RP1: variants seen among roughly 807,000 people sequenced by gnomAD.
RP1 encodes RP1 axonemal microtubule associated, also known as oxygen-regulated protein 1.
Under a neutral mutation model 14.8 loss-of-function variants are expected in RP1, and 16 were observed. The ratio of observed to expected loss-of-function variants is 1.08; its 90% CI spans 0.73 to 1.65. RP1 has a LOEUF of 1.65. RP1 is among the 40% of genes most tolerant of loss of function. The pLI is 0.00. For synonymous variants in RP1, 876 were observed against 883.6 expected, an observed-to-expected ratio of 0.99 and a Z score of 0.15; for missense variants, 2,631 against 2,535.0, an observed-to-expected ratio of 1.04 and a Z score of -0.81.
Position 54,630,689 on chromosome 8 carries a change from T to A in RP1, c.*336T>A. 9.1e-7 allele frequency: 1 copy of A among 1,102,472 alleles called. No homozygotes were observed. Among genetic ancestry groups the A allele is most frequent in the Non-Finnish European group, 1.1e-6 (1 of 903,218 alleles). 68.3% of individuals were successfully genotyped at this position (1,102,472 alleles called of 1,614,324 possible). ...GAATTATATCCTTTTTAAAAAATGTTGTTAGCTTGGTGTAAAATGTATATT... is the reference window on the plus strand; with the variant it reads ...GAATTATATCCTTTTTAAAAAATGTAGTTAGCTTGGTGTAAAATGTATATT... On this transcript the variant is annotated 3_prime_UTR_variant, in exon 4 of 4. Transcript: ENST00000220676.
At chr8:54,599,199 A>G (rs1257933832) in intron 1 of RP1, among the ~76,000 whole-genome samples, 2 of 152,062 alleles carry the variant, frequency 1.3e-5, no homozygotes, top group Non-Finnish European at 2.9e-5. Context: ...CAAGATAACT[A>G]TATAATTATT....
At chr8:54,678,485 T>A (rs1807349633) in exon 9 of RP1, 4 of 1,534,844 alleles carry the variant, frequency 2.6e-6, no homozygotes. Context: ...CTTGATGATG[T>A]TGTTATCAAG....
At chr8:54,605,370 G>A (rs1157300657) in intron 1 of RP1, among the ~76,000 whole-genome samples, 2 of 152,206 alleles carry the variant, frequency 1.3e-5, no homozygotes, top group African/African-American at 4.8e-5. Flanking sequence ...TCTTAATCCT[G>A]AGTTCTAGTT....
At chr8:54,808,088 C>A (rs914457834) in intron 24 of RP1, among the ~76,000 whole-genome samples, 1 of 152,150 alleles carries the variant, frequency 6.6e-6, no homozygotes, top group Admixed American at 6.5e-5. Context: ...TAGCGTGTAA[C>A]CATCATATCA....
chr8:54,607,317 CCT>C (rs1466599437), intron 1 of RP1, among the ~76,000 whole-genome samples: 17 of 152,270 alleles, frequency 1.1e-4, no homozygotes, highest in African/African-American at 3.6e-4. Flanking sequence ...CACTCCAGAC[CCT>C]GTTTGCCTGG....
rs57874836 is a variant in RP1, at chr8:54,861,199, A to G, written c.4069+4093A>G. Among the ~76,000 whole-genome samples, 1,333 of 152,258 alleles carry G rather than the reference A, an allele frequency of 8.8e-3. 16 individuals carry two copies. The highest frequency in any genetic ancestry group is 0.028 in the African/African-American group (1,155 of 41,546). On this transcript the variant is annotated intron_variant, in intron 27 of 28. Transcript: ENST00000637698. Reference sequence around the variant, plus strand: ...TTTGGAGTCTGATAACCCACTACCTAATGTAAGCCTGAACATTACCAGTAC... The same window carrying G: ...TTTGGAGTCTGATAACCCACTACCTGATGTAAGCCTGAACATTACCAGTAC...
chr8:54,573,549 A>G (rs1298341904), intron 1 of RP1, among the ~76,000 whole-genome samples: 1 of 152,212 alleles, frequency 6.6e-6, no homozygotes, highest in Non-Finnish European at 1.5e-5. Context: ...CTTTTCCCTC[A>G]AATATAAGAA....
At chr8:54,566,035 A>G (rs113819954) in intron 1 of RP1, among the ~76,000 whole-genome samples, 3 of 151,974 alleles carry the variant, frequency 2.0e-5, no homozygotes, top group African/African-American at 7.2e-5. Flanking sequence ...TCTGTGTCCA[A>G]ATTTCCTCTT....
At chr8:54,782,519 T>C (rs1810214146) in intron 23 of RP1, among the ~76,000 whole-genome samples, 1 of 152,126 alleles carries the variant, frequency 6.6e-6, no homozygotes, top group East Asian at 1.9e-4. Context: ...TACAAGGTTG[T>C]AGGTTTATGG....
intron 24 of RP1, among the ~76,000 whole-genome samples, chr8:54,790,245 T>C (rs1357956701): frequency 6.6e-6 from 1 of 152,202 alleles, no homozygotes; most frequent in Admixed American, 6.5e-5. Context: ...GGCAGATGTC[T>C]TGCCCAATTG....
At chr8:54,691,575 A>G (rs1488766470) in intron 12 of RP1, among the ~76,000 whole-genome samples, 2 of 151,946 alleles carry the variant, frequency 1.3e-5, no homozygotes, top group Non-Finnish European at 2.9e-5. Context: ...GAATTTCTCA[A>G]TTTATAGATT....
chr8:54,665,813 G>A (rs775371997), intron 7 of RP1, among the ~76,000 whole-genome samples: 4 of 152,228 alleles, frequency 2.6e-5, no homozygotes, highest in East Asian at 3.9e-4. Context: ...TTCTGTCACC[G>A]CCTGGATGCA....
upstream of RP1, among the ~76,000 whole-genome samples, chr8:54,613,561 T>G (rs1312228118): frequency 6.6e-6 from 1 of 152,218 alleles, no homozygotes; most frequent in African/African-American, 2.4e-5. Context: ...CAGTTGTTTG[T>G]GCAGTATGAA....
intron 3 of RP1, among the ~76,000 whole-genome samples, chr8:54,637,204 A>G (rs1042736490): frequency 6.6e-6 from 1 of 152,206 alleles, no homozygotes; most frequent in African/African-American, 2.4e-5. Flanking sequence ...TCTGGTTGTC[A>G]TGAAATGTCA....
intron 15 of RP1, among the ~76,000 whole-genome samples, chr8:54,714,638 C>T (rs538780692): frequency 1.3e-5 from 2 of 152,280 alleles, no homozygotes; most frequent in African/African-American, 2.4e-5. Flanking sequence ...CTTTAAAAAC[C>T]CTGGCCTCCA....
chr8:54,581,180 G>T (rs1358307202), intron 1 of RP1, among the ~76,000 whole-genome samples: 5 of 133,096 alleles, frequency 3.8e-5, no homozygotes, highest in Non-Finnish European at 6.4e-5. Flanking sequence ...AACAGGCCCC[G>T]GTGTGTGATG....
chr8:54,703,778 C>T lies in RP1; in HGVS notation c.1998+2116C>T, dbSNP rs139556004. Reference sequence around the variant, plus strand: ...TCATCAATTATCTTAACTAGATCTTCTGGGTAACTTGCTACAGCTTCTCCA... The same window carrying T: ...TCATCAATTATCTTAACTAGATCTTTTGGGTAACTTGCTACAGCTTCTCCA... On this transcript the variant is annotated intron_variant, in intron 14 of 22. Coordinates refer to the RP1 transcript ENST00000636932. Among the ~76,000 whole-genome samples, 1,141 of 152,326 alleles carry T rather than the reference C, an allele frequency of 7.5e-3. 20 individuals are homozygous for T. Among genetic ancestry groups the T allele is most frequent in the African/African-American group, 0.026 (1,083 of 41,572 alleles).
chr8:54,591,223 T>C (rs1342184318), intron 1 of RP1, among the ~76,000 whole-genome samples: 1 of 152,118 alleles, frequency 6.6e-6, no homozygotes, highest in African/African-American at 2.4e-5. Flanking sequence ...AAAAGTACAA[T>C]CTAAACTCCG....
intron 24 of RP1, among the ~76,000 whole-genome samples, chr8:54,784,398 C>T (rs999976947): frequency 1.3e-5 from 2 of 152,056 alleles, no homozygotes; most frequent in Non-Finnish European, 2.9e-5. Context: ...ACATAGTCTT[C>T]TAACTTAAAA....
Sources: allele counts gnomAD v4.1 joint callset (sites outside exome capture counted in the v4.1 genomes callset), GRCh38; gene constraint gnomAD v4.1.1; transcripts MANE v1.5; gene names NCBI Gene and HGNC (gene_info 2026-07-23, HGNC 2026-07-21).